DLG2: variants seen among roughly 807,000 people sequenced by gnomAD.
DLG2 encodes discs large MAGUK scaffold protein 2, also known as disks large homolog 2.
Under a neutral mutation model 132.5 loss-of-function variants are expected in DLG2, and 45 were observed. That is an observed-to-expected ratio of 0.34 (90% CI 0.27 to 0.44). The LOEUF is 0.44. Ranked by LOEUF, DLG2 falls within the 20% of genes least tolerant of loss-of-function variation. DLG2 has a pLI of 1.00. For missense variants in DLG2, 1,045 were observed against 1,196.9 expected, an observed-to-expected ratio of 0.87 and a Z score of 1.87; for synonymous variants, 424 against 419.6, an observed-to-expected ratio of 1.01 and a Z score of -0.13.
Position 83,856,559 on chromosome 11 carries a change from T to C in DLG2, c.1565+17861A>G, listed in dbSNP as rs191021911. ...ATGAGATGGTATCTCATTGTGGTTT[T>C]TTGATTTGCATTTCTCTAATGATCA... On this transcript the variant is annotated intron_variant, in intron 16 of 27. Coordinates refer to ENST00000376104, the MANE Select transcript of DLG2 (RefSeq NM_001142699.3). 3.5e-3 allele frequency among the ~76,000 whole-genome samples: 537 copies of C among 152,318 alleles called. 5 individuals carry two copies. The highest frequency in any genetic ancestry group is 0.012 in the African/African-American group (497 of 41,570).
chr11:83,886,183 T>TG (rs2067834707), intron 15 of DLG2, among the ~76,000 whole-genome samples: 1 of 152,170 alleles, frequency 6.6e-6, no homozygotes, highest in Admixed American at 6.5e-5. Flanking sequence ...GACCCATCAG[T>TG]GTGCTGTATT....
At chr11:84,574,680 C>A (rs1565342780) in intron 6 of DLG2, among the ~76,000 whole-genome samples, 1 of 152,180 alleles carries the variant, frequency 6.6e-6, no homozygotes, top group Non-Finnish European at 1.5e-5. Context: ...GTGAAAGTTT[C>A]AGAGGTCCAT....
intron 6 of DLG2, among the ~76,000 whole-genome samples, chr11:84,729,245 A>G (rs999115226): frequency 7.9e-5 from 12 of 151,994 alleles, no homozygotes; most frequent in Non-Finnish European, 1.5e-5. Context: ...CCCTCTACAC[A>G]CTGCTTTAAA....
intron 6 of DLG2, among the ~76,000 whole-genome samples, chr11:84,557,674 T>C (rs1301985801): frequency 6.6e-6 from 1 of 151,656 alleles, no homozygotes; most frequent in Non-Finnish European, 1.5e-5. Context: ...TTTTTTTTTC[T>C]GAGAGAGATA....
At chr11:84,835,421 T>C (rs929445381) in intron 6 of DLG2, among the ~76,000 whole-genome samples, 1 of 151,700 alleles carries the variant, frequency 6.6e-6, no homozygotes, top group Non-Finnish European at 1.5e-5. Flanking sequence ...AAAATGGAGT[T>C]AATAATATTT....
intron 6 of DLG2, among the ~76,000 whole-genome samples, chr11:84,888,685 C>T (rs1478441067): frequency 6.6e-6 from 1 of 151,490 alleles, no homozygotes; most frequent in African/African-American, 2.4e-5. Flanking sequence ...AAAAAAAAAT[C>T]TTTTCTTATT....
At chr11:84,277,721 GC>G (rs2097796143) in intron 7 of DLG2, among the ~76,000 whole-genome samples, 1 of 152,066 alleles carries the variant, frequency 6.6e-6, no homozygotes, top group African/African-American at 2.4e-5. Flanking sequence ...AAAAATAACA[GC>G]ACAGAAGATA....
chr11:85,239,855 T>C (rs2075789031), intron 4 of DLG2, among the ~76,000 whole-genome samples: 1 of 151,832 alleles, frequency 6.6e-6, no homozygotes, highest in African/African-American at 2.4e-5. Context: ...ATGCTATGAC[T>C]ATTCTTGTCT....
chr11:83,513,287 A>T (rs71465542), intron 21 of DLG2, among the ~76,000 whole-genome samples: 1 of 152,176 alleles, frequency 6.6e-6, no homozygotes, highest in Non-Finnish European at 1.5e-5. Flanking sequence ...AGTGATGATG[A>T]GCATTTTTTC....
chr11:83,753,619 T>A (rs866084314), intron 18 of DLG2, among the ~76,000 whole-genome samples: 32 of 141,124 alleles, frequency 2.3e-4, no homozygotes, highest in Admixed American at 1.9e-3. Flanking sequence ...CAATTTAAAA[T>A]ATATATATAA....
intron 7 of DLG2, among the ~76,000 whole-genome samples, chr11:84,508,013 T>C (rs1459537588): frequency 6.6e-6 from 1 of 152,220 alleles, no homozygotes; most frequent in Non-Finnish European, 1.5e-5. Context: ...AGAGACACAG[T>C]GTACTTTTTA....
At chr11:84,949,912 T>G (rs540719993) in intron 6 of DLG2, among the ~76,000 whole-genome samples, 2 of 152,304 alleles carry the variant, frequency 1.3e-5, no homozygotes, top group Admixed American at 1.3e-4. Context: ...AAGTGATAAG[T>G]GTCCATGAAA....
chr11:85,534,518 C>T (rs538667287), intron 3 of DLG2, among the ~76,000 whole-genome samples: 35 of 151,988 alleles, frequency 2.3e-4, no homozygotes, highest in Non-Finnish European at 4.7e-4. Flanking sequence ...TTTTGGAGTC[C>T]CCAGTGTCTA....
chr11:84,348,099 C>CTCTTATTATT (rs2098546830), intron 7 of DLG2, among the ~76,000 whole-genome samples: 2 of 152,224 alleles, frequency 1.3e-5, no homozygotes, highest in Non-Finnish European at 2.9e-5. Flanking sequence ...AAATGCTCAA[C>CTCTTATTATT]AAATATCATA....
At chr11:85,372,875 A>G (rs1403814322) in intron 3 of DLG2, among the ~76,000 whole-genome samples, 1 of 152,166 alleles carries the variant, frequency 6.6e-6, no homozygotes, top group African/African-American at 2.4e-5. Context: ...GAAGAGAACC[A>G]GGGACACCTG....
intron 16 of DLG2, among the ~76,000 whole-genome samples, chr11:83,871,158 A>T (rs1307722356): frequency 1.3e-5 from 2 of 152,176 alleles, no homozygotes; most frequent in Non-Finnish European, 2.9e-5. Context: ...TCCTTTTAAT[A>T]GGGTCTCAGG....
At chr11:85,188,860 G>C (rs1320485856) in intron 4 of DLG2, among the ~76,000 whole-genome samples, 1 of 152,076 alleles carries the variant, frequency 6.6e-6, no homozygotes, top group African/African-American at 2.4e-5. Context: ...AGACCTCTAG[G>C]ACAACATCAA....
intron 18 of DLG2, among the ~76,000 whole-genome samples, chr11:83,726,284 C>T (rs936821110): frequency 6.6e-6 from 1 of 152,014 alleles, no homozygotes; most frequent in African/African-American, 2.4e-5. Flanking sequence ...AAAGGGCTTC[C>T]CTCGATGGGA....
chr11:83,860,977 C>T (rs1365916537), intron 16 of DLG2, among the ~76,000 whole-genome samples: 1 of 152,182 alleles, frequency 6.6e-6, no homozygotes, highest in Admixed American at 6.5e-5. Context: ...CCTTGCCTTC[C>T]ACCATGATTG....
Sources: gnomAD v4.1 joint callset for allele counts (sites outside exome capture counted in the v4.1 genomes callset) on GRCh38, gnomAD v4.1.1 for gene constraint, MANE v1.5 for transcripts, NCBI Gene and HGNC (gene_info 2026-07-23, HGNC 2026-07-21) for gene names.